The following KLF9 variants were observed in gnomAD, a reference collection of about 807,000 sequenced individuals.
KLF9 encodes the protein KLF transcription factor 9.
Under a neutral mutation model 17.3 loss-of-function variants are expected in KLF9, and 2 were observed. The observed-to-expected ratio is 0.12, with a 90% confidence interval of 0.05 to 0.36. The LOEUF (loss-of-function observed/expected upper bound fraction) is 0.36, where lower values mean the gene tolerates loss of function less well. Ranked by LOEUF, KLF9 falls within the 10% of genes least tolerant of loss-of-function variation. KLF9 has a pLI of 1.00. For synonymous variants in KLF9, 138 were observed against 139.2 expected, an observed-to-expected ratio of 0.99 and a Z score of 0.06; for missense variants, 226 against 333.2, an observed-to-expected ratio of 0.68 and a Z score of 2.51.
At position 70,385,336 on chromosome 9, in the gene KLF9, G is replaced by C. The variant is rs879038359; in HGVS notation, c.*2440C>G. On this transcript the variant is annotated 3_prime_UTR_variant, in exon 2 of 2. Transcript: ENST00000377126. ...GGATTTAATCACAAAGAATAAAAAG[G>C]CTTGAGTTTATACGTTACATTACTA... The C allele has an allele frequency of 1.3e-5, 2 of 152,650 alleles. No individual in the cohort carries two copies. Among genetic ancestry groups the C allele is most frequent in the East Asian group, 1.9e-4 (1 of 5,178 alleles). 9.5% of individuals were successfully genotyped at this position (152,650 alleles called of 1,614,324 possible). A position where few individuals can be genotyped will look rare whatever the true frequency, so the allele number is the denominator to read the frequency against.
intron 1 of KLF9, among the ~76,000 whole-genome samples, chr9:70,396,734 T>A (rs1173242648): frequency 6.6e-6 from 1 of 152,258 alleles, no homozygotes; most frequent in African/African-American, 2.4e-5. Flanking sequence ...CCTTTTGTAA[T>A]TTTTCCCTAT....
chr9:70,396,691 T>C (rs2037183645), intron 1 of KLF9, among the ~76,000 whole-genome samples: 1 of 152,212 alleles, frequency 6.6e-6, no homozygotes, highest in African/African-American at 2.4e-5. Flanking sequence ...AATTACTATC[T>C]ACCAGTGAGG....
intron 1 of KLF9, among the ~76,000 whole-genome samples, chr9:70,411,815 G>A (rs535142802): frequency 6.6e-6 from 1 of 152,216 alleles, no homozygotes; most frequent in Admixed American, 6.5e-5. Flanking sequence ...AGAGGCAAAA[G>A]GCTTATCTGA....
chr9:70,409,104 G>GTGTA lies in KLF9; in HGVS notation c.505+3754_505+3755insTACA, dbSNP rs1554708135. On this transcript the variant is annotated intron_variant, in intron 1 of 1. Coordinates refer to ENST00000377126, the MANE Select transcript of KLF9 (RefSeq NM_001206.4). ...TATACACATATATGTATATATATGT[G>GTGTA]TATATATATACATATATGTATATAT... Among the ~76,000 whole-genome samples the GTGTA allele has an allele frequency of 1.7e-3, 126 of 72,294 alleles. 11 individuals carry two copies. The highest frequency in any genetic ancestry group is 2.9e-3 in the South Asian group (6 of 2,060). The allele number at this position is 72,294 out of a possible 152,430, so 47.4% of individuals were successfully genotyped here. A position where few individuals can be genotyped will look rare whatever the true frequency, so the allele number is the denominator to read the frequency against.
At chr9:70,390,672 C>G (rs1188213766) in intron 1 of KLF9, among the ~76,000 whole-genome samples, 1 of 152,146 alleles carries the variant, frequency 6.6e-6, no homozygotes, top group Non-Finnish European at 1.5e-5. Flanking sequence ...CTCTCTCTCT[C>G]TCTCGTCCTC....
intron 1 of KLF9, among the ~76,000 whole-genome samples, chr9:70,406,371 C>T (rs1052360868): frequency 1.3e-5 from 2 of 152,122 alleles, no homozygotes; most frequent in Admixed American, 1.3e-4. Flanking sequence ...TTCAAGTCCC[C>T]CCAAAACATT....
At chr9:70,409,622 T>G (rs2037295756) in intron 1 of KLF9, among the ~76,000 whole-genome samples, 1 of 152,178 alleles carries the variant, frequency 6.6e-6, no homozygotes, top group South Asian at 2.1e-4. Flanking sequence ...ATAATATGCT[T>G]GATATATTTT....
intron 1 of KLF9, among the ~76,000 whole-genome samples, chr9:70,397,659 A>G (rs2037191312): frequency 6.6e-6 from 1 of 152,182 alleles, no homozygotes; most frequent in Non-Finnish European, 1.5e-5. Context: ...GGGTTGCCCA[A>G]CAAAGGAGTG....
intron 1 of KLF9, among the ~76,000 whole-genome samples, chr9:70,398,113 T>C (rs529234504): frequency 1.3e-5 from 2 of 152,308 alleles, no homozygotes; most frequent in East Asian, 1.9e-4. Context: ...TTTGAAAGAA[T>C]AATCCTGCCT....
In KLF9 at chr9:70,387,659, T is replaced by C. The variant is rs1477604715; in HGVS notation, c.*117A>G. On this transcript the variant is annotated 3_prime_UTR_variant, in exon 2 of 2. Coordinates refer to ENST00000377126, the MANE Select transcript of KLF9 (RefSeq NM_001206.4). ...AATCAGAATATTGACCAAAGAGCAG[T>C]GACTTCCTGTGCCGTCAAGTGTGCC... The C allele has an allele frequency of 1.3e-6, 1 of 792,858 alleles. No individual in the cohort carries two copies. The highest frequency in any genetic ancestry group is 1.7e-5 in the African/African-American group (1 of 58,560). The allele number at this position is 792,858 out of a possible 1,614,324, so 49.1% of individuals were successfully genotyped here. A position where few individuals can be genotyped will look rare whatever the true frequency, so the allele number is the denominator to read the frequency against.
rs745535247 is a variant in KLF9 at position 70,413,220 on chromosome 9, A to C, written c.144T>G (p.Gly48=). 30 of 1,613,894 alleles carry C rather than the reference A, an allele frequency of 1.9e-5. No individual in the cohort carries two copies. The highest frequency in any genetic ancestry group is 2.4e-5 in the Non-Finnish European group (28 of 1,180,028). The change falls in exon 1 of 2, where the codon GGT becomes GGG. Residue 48 remains glycine (G), a synonymous_variant. Coordinates refer to ENST00000377126, the MANE Select transcript of KLF9 (RefSeq NM_001206.4). This position sits in a 1 kb window ranked among gnomAD's most constrained non-coding sequence, Gnocchi z 5.6. The part of the protein sequence containing the change: ...LPEREVTKEH[G]DPGDTWKDYC... ...AATCCTTCCAGGTGTCCCCCGGGTC[A>C]CCGTGCTCCTTGGTCACCTCGCGCT...
intron 1 of KLF9, among the ~76,000 whole-genome samples, chr9:70,409,665 T>C (rs893257554): frequency 6.6e-6 from 1 of 152,106 alleles, no homozygotes; most frequent in Non-Finnish European, 1.5e-5. Flanking sequence ...CTAAAATTAA[T>C]CTGAAACAGT....
intron 1 of KLF9, among the ~76,000 whole-genome samples, chr9:70,404,820 T>G (rs2037245701): frequency 6.6e-6 from 1 of 152,128 alleles, no homozygotes; most frequent in Admixed American, 6.5e-5. Context: ...TGAGCTCCAT[T>G]TTACAGATGA....
At chr9:70,397,234 G>C (rs1264674537) in intron 1 of KLF9, among the ~76,000 whole-genome samples, 2 of 152,060 alleles carry the variant, frequency 1.3e-5, no homozygotes, top group Non-Finnish European at 2.9e-5. Flanking sequence ...CAGCACTTTG[G>C]GAGGCCAAGG....
At chr9:70,409,135 C>CAT (rs1256732601) in intron 1 of KLF9, among the ~76,000 whole-genome samples, 1 of 48,932 alleles carries the variant, frequency 2.0e-5, no homozygotes, top group African/African-American at 5.0e-5. Context: ...TATATGTATA[C>CAT]ATATATATGT....
chr9:70,403,546 C>T (rs2037238762), intron 1 of KLF9, among the ~76,000 whole-genome samples: 1 of 152,186 alleles, frequency 6.6e-6, no homozygotes, highest in Non-Finnish European at 1.5e-5. Flanking sequence ...AGACAGCCCC[C>T]ACCAACCCCA....
chr9:70,402,649 C>A (rs778370394), intron 1 of KLF9, among the ~76,000 whole-genome samples: 3 of 152,074 alleles, frequency 2.0e-5, no homozygotes, highest in Non-Finnish European at 4.4e-5. Context: ...TTTGCCTAAG[C>A]GTATGTAATA....
At chr9:70,402,155 A>G (rs1001680764) in intron 1 of KLF9, among the ~76,000 whole-genome samples, 4 of 152,206 alleles carry the variant, frequency 2.6e-5, no homozygotes, top group African/African-American at 9.6e-5. Flanking sequence ...TCACTGAACA[A>G]GCATTTTGGG....
chr9:70,405,998 C>A (rs1238560580), intron 1 of KLF9, among the ~76,000 whole-genome samples: 1 of 152,164 alleles, frequency 6.6e-6, no homozygotes, highest in Non-Finnish European at 1.5e-5. Flanking sequence ...ATAAAAAGGG[C>A]ATAGGCCACC....
Sources: allele counts gnomAD v4.1 joint callset (sites outside exome capture counted in the v4.1 genomes callset), GRCh38; gene constraint gnomAD v4.1.1; non-coding constraint Gnocchi (gnomAD v3.1); transcripts MANE v1.5; gene names NCBI Gene and HGNC (gene_info 2026-07-23, HGNC 2026-07-21).